The following SETD9 variants were observed in gnomAD, a reference collection of about 807,000 sequenced individuals.
SETD9 encodes the protein SET domain-containing protein 9.
In SETD9, 37 loss-of-function variants were observed where a neutral mutation model predicts 36.4. The observed-to-expected ratio is 1.02, with a 90% confidence interval of 0.78 to 1.34. SETD9 has a LOEUF of 1.34. Among genes scored for constraint, SETD9 ranks in the 40% most tolerant of loss-of-function variants. The pLI is 0.00. For missense variants in SETD9, 323 were observed against 353.2 expected, an observed-to-expected ratio of 0.91 and a Z score of 0.69; for synonymous variants, 128 against 132.9, an observed-to-expected ratio of 0.96 and a Z score of 0.26.
At chr5:56,921,284 TAATAAAAG>T (rs1749660348), downstream of SETD9, 1 of 152,536 alleles carries the variant, frequency 6.6e-6, no homozygotes, top group East Asian at 1.9e-4. Context: ...TACTGATTTT[TAATAAAAG>T]AAATAAGGTT....
Position 56,910,494 on chromosome 5 carries a change from A to G in SETD9, c.99-675A>G, listed in dbSNP as rs1749062630. ...GCCTCCCTGAAGTCAGTGTCCGACA[A>G]ATAGGGAAACAAAGCGGTTTCCGGA... On this transcript the variant is annotated intron_variant, in intron 1 of 5. Coordinates refer to ENST00000285947, the MANE Select transcript of SETD9 (RefSeq NM_153706.4). 2.9e-6 allele frequency: 3 copies of G among 1,040,362 alleles called. No individual in the cohort carries two copies. In the Admixed American group the frequency reaches 1.1e-4, roughly 37 times the overall value. The allele number at this position is 1,040,362 out of a possible 1,614,324, so 64.4% of individuals were successfully genotyped here. A position where few individuals can be genotyped will look rare whatever the true frequency, so the allele number is the denominator to read the frequency against.
In SETD9 at chr5:56,924,264, A is replaced by T. The variant is rs202170532; in HGVS notation, c.813-1069A>T. 5.9e-3 allele frequency among the ~76,000 whole-genome samples: 879 copies of T among 148,554 alleles called. 5 individuals carry two copies. The highest frequency in any genetic ancestry group is 0.015 in the African/African-American group (620 of 40,800). ...TTCGAAAGCCCAAGGTTTTTTTTTT[A>T]AAAAAATCAGAATGTATTAGTTTAT... On this transcript the variant is annotated intron_variant, in intron 5 of 5. Transcript: ENST00000628593.
chr5:56,927,141 G>A (rs973821397), downstream of SETD9, among the ~76,000 whole-genome samples: 2 of 152,044 alleles, frequency 1.3e-5, no homozygotes, highest in African/African-American at 4.8e-5. Context: ...GGTCAGTGAA[G>A]CTACTCTGTA....
chr5:56,923,851 G>A (rs1203267484), intron 5 of SETD9: 4 of 1,614,054 alleles, frequency 2.5e-6, no homozygotes, highest in Non-Finnish European at 3.4e-6. Flanking sequence ...ACACACCCCA[G>A]TAATTTTATG....
chr5:56,921,968 C>T (rs1025132389), downstream of SETD9: 4 of 152,730 alleles, frequency 2.6e-5, no homozygotes, highest in African/African-American at 9.6e-5. Context: ...TGAGATACAT[C>T]TGAACATCTA....
downstream of SETD9, among the ~76,000 whole-genome samples, chr5:56,927,292 T>C (rs750539765): frequency 9.2e-5 from 14 of 152,214 alleles, 1 homozygote; most frequent in Admixed American, 2.6e-4. Context: ...TTTTAACAAA[T>C]GTACCACACT....
Position 56,911,426 on chromosome 5 carries a change from CTT to C in SETD9, c.358_359del (p.Leu120GlyfsTer9). The stretch of plus-strand genomic sequence containing the variant: ...AAACCAGAAGAAATTCTTTACAAGA[CTT>C]TGGGTTTCAGTGTTGCCCAAGCAAC... On this transcript the variant is annotated frameshift_variant, in exon 2 of 6. Coordinates refer to ENST00000285947, the MANE Select transcript of SETD9 (RefSeq NM_153706.4). LOFTEE classifies it high-confidence loss of function. 1 of 1,613,560 alleles carries C rather than the reference CTT, an allele frequency of 6.2e-7. No homozygotes were observed. Among genetic ancestry groups the C allele is most frequent in the Non-Finnish European group, 8.5e-7 (1 of 1,179,848 alleles).
chr5:56,916,952 G>A lies in SETD9; in HGVS notation c.*50G>A. The A allele has an allele frequency of 6.5e-7, 1 of 1,537,050 alleles. No individual in the cohort carries two copies. The highest frequency in any genetic ancestry group is 8.7e-7 in the Non-Finnish European group (1 of 1,149,456). On this transcript the variant is annotated 3_prime_UTR_variant, in exon 6 of 6. Transcript: ENST00000285947. ...TTTTCTACTCAGCTATTAATTCTAA[G>A]TGTTTTTTGTTAATCACTTCTCTGA... is the stretch of plus-strand genomic sequence containing the variant.
chr5:56,928,784 G>A, downstream of SETD9: 1 of 1,612,544 alleles, frequency 6.2e-7, no homozygotes, highest in Non-Finnish European at 8.5e-7. Context: ...TTCTGTATAA[G>A]ATGAAAATCT....
At chr5:56,928,110 C>T (rs946074422), downstream of SETD9, 4 of 152,160 alleles carry the variant, frequency 2.6e-5, no homozygotes, top group Admixed American at 2.6e-4. Context: ...TTTATCCTTT[C>T]ACCTCAAAGG....
chr5:56,913,790 G>T, intron 3 of SETD9, 84 bp from the exon 4 acceptor site: 9 of 652,768 alleles, frequency 1.4e-5, no homozygotes, highest in Middle Eastern at 3.2e-4. Flanking sequence ...AAGAAAAAAT[G>T]CACTGGTGTA....
chr5:56,920,312 A>T (rs916748634), downstream of SETD9: 1 of 152,602 alleles, frequency 6.6e-6, no homozygotes, highest in African/African-American at 2.4e-5. Context: ...GTATTGCTAT[A>T]ATCACAGCAC....
chr5:56,919,405 G>C (rs190753118), downstream of SETD9, among the ~76,000 whole-genome samples: 1 of 151,888 alleles, frequency 6.6e-6, no homozygotes, highest in Non-Finnish European at 1.5e-5. Context: ...ATTACAGGGG[G>C]ACTTTTATTA....
downstream of SETD9, among the ~76,000 whole-genome samples, chr5:56,919,418 G>C (rs1172961002): frequency 6.6e-6 from 1 of 152,042 alleles, no homozygotes; most frequent in African/African-American, 2.4e-5. Flanking sequence ...TTTTATTATA[G>C]ATGGAAATTA....
chr5:56,914,940 CAT>C lies in SETD9; in HGVS notation c.787_788del (p.Ile263CysfsTer5), dbSNP rs1749351488. The C allele has an allele frequency of 6.3e-7, 1 of 1,595,052 alleles. No individual in the cohort carries two copies. Among genetic ancestry groups the C allele is most frequent in the African/African-American group, 1.3e-5 (1 of 74,702 alleles). ...PIELKQYLPNIAYSYDKQSPL... is the reference protein window; with the variant it reads ...PIELKQYLPNXAYSYDKQSPL... ...TAGAACTGAAGCAGTATCTTCCAAA[CAT>C]TGCCTACAGCTATGACAAACAAAGG... On this transcript the variant is annotated frameshift_variant, in exon 5 of 6. Coordinates refer to ENST00000285947, the MANE Select transcript of SETD9 (RefSeq NM_153706.4). LOFTEE classifies it high-confidence loss of function.
chr5:56,927,843 C>T (rs1367590930), downstream of SETD9: 1 of 152,078 alleles, frequency 6.6e-6, no homozygotes, highest in East Asian at 1.9e-4. Flanking sequence ...GTTTCATTGC[C>T]CTGAAAATGG....
downstream of SETD9, among the ~76,000 whole-genome samples, chr5:56,927,563 T>C (rs1029793138): frequency 3.3e-5 from 5 of 152,196 alleles, no homozygotes; most frequent in Admixed American, 2.6e-4. Flanking sequence ...CATATGTATT[T>C]TGAATAGACT....
At position 56,909,654 on chromosome 5, in the gene SETD9, C is replaced by A. The variant is rs754991442; in HGVS notation, c.9C>A (p.Gly3=). MP[G]RLLRGLWQRW... is the part of the protein sequence containing the mutation. ...GGCCCCGCGGGGCAGCCATGCCTGG[C>A]CGTCTGCTGCGGGGCCTGTGGCAGC... is the stretch of plus-strand genomic sequence containing the variant. The change falls in exon 1 of 6, where the codon GGC becomes GGA. Residue 3 remains glycine (G), a synonymous_variant. Transcript: ENST00000285947. 5.6e-6 allele frequency: 9 copies of A among 1,606,986 alleles called. No homozygotes were observed. The South Asian group carries it at 1.0e-4, about 18-fold the overall frequency.
downstream of SETD9, chr5:56,921,104 C>G (rs1394796367): frequency 6.6e-6 from 1 of 152,536 alleles, no homozygotes; most frequent in African/African-American, 2.4e-5. Flanking sequence ...GAATATATTA[C>G]TGCATCAGCT....
Sources: allele counts gnomAD v4.1 joint callset (sites outside exome capture counted in the v4.1 genomes callset), GRCh38; gene constraint gnomAD v4.1.1; transcripts MANE v1.5; gene names NCBI Gene and HGNC (gene_info 2026-07-23, HGNC 2026-07-21).